The following RNASET2 variants were observed in gnomAD, a reference collection of about 807,000 sequenced individuals.
RNASET2 encodes the protein ribonuclease 6.
Under a neutral mutation model 33.9 loss-of-function variants are expected in RNASET2, and 28 were observed. That is an observed-to-expected ratio of 0.83 (90% CI 0.61 to 1.13). RNASET2 has a LOEUF of 1.13. Among genes scored for constraint, RNASET2 ranks in the 50% most tolerant of loss-of-function variants. The pLI is 0.00. For missense variants in RNASET2, 330 were observed against 319.9 expected (o/e 1.03, Z -0.24); for synonymous variants, 123 against 121.0 (o/e 1.02, Z -0.11).
chr6:166,955,290 GCACAGACGCGCACACACGACA>G (rs1562507126), intron 1 of RNASET2, among the ~76,000 whole-genome samples: 8 of 68,504 alleles, frequency 1.2e-4, no homozygotes, highest in African/African-American at 4.7e-4. Context: ...CGACACACAC[GCACAGACGCGCACACACGACA>G]CACACGCACA....
intron 4 of RNASET2, among the ~76,000 whole-genome samples, chr6:166,945,703 G>A (rs1219787597): frequency 2.0e-5 from 3 of 151,944 alleles, no homozygotes; most frequent in South Asian, 2.1e-4. Flanking sequence ...GGTGGCGCAT[G>A]CCTGTAATCC....
At position 166,929,405 on chromosome 6, in the gene RNASET2, A is replaced by C; in HGVS notation, c.*183T>G. 1.4e-6 allele frequency: 1 copy of C among 691,076 alleles called. No homozygotes were observed. The highest frequency in any genetic ancestry group is 2.5e-6 in the Non-Finnish European group (1 of 393,366). The allele number at this position is 691,076 out of a possible 1,614,324, so 42.8% of individuals were successfully genotyped here. On this transcript the variant is annotated 3_prime_UTR_variant, in exon 9 of 9. Transcript: ENST00000508775. Reference sequence around the variant, plus strand: ...CACAAAACAGCCACTCAGGCGTGGGAGAGCTCCTTTCTCCCCGTGTACGCC... The same window carrying C: ...CACAAAACAGCCACTCAGGCGTGGGCGAGCTCCTTTCTCCCCGTGTACGCC...
chr6:166,955,723 T>C, intron 1 of RNASET2: 1 of 1,136,308 alleles, frequency 8.8e-7, no homozygotes. Flanking sequence ...CGGGGAGTGT[T>C]CAGGGCTCCC....
rs1479306745 is a variant in RNASET2, at chr6:166,924,995, G to C, written c.*4593C>G. 6.6e-6 allele frequency among the ~76,000 whole-genome samples: 1 copy of C among 152,148 alleles called. No individual in the cohort carries two copies. The highest frequency in any genetic ancestry group is 1.5e-5 in the Non-Finnish European group (1 of 68,004). On this transcript the variant is annotated 3_prime_UTR_variant, in exon 9 of 9. Transcript: ENST00000508775. ...GTACAGGCCTCACCTCCACCGCGCA[G>C]GCCTCATCTACGCCATCCAGCCCTC...
At chr6:166,955,327 GCACGC>G (rs1779118082) in intron 1 of RNASET2, among the ~76,000 whole-genome samples, 10 of 57,598 alleles carry the variant, frequency 1.7e-4, no homozygotes, top group African/African-American at 8.5e-4. Context: ...GCACACACAC[GCACGC>G]ACGCACACGC....
intron 1 of RNASET2, among the ~76,000 whole-genome samples, chr6:166,953,737 G>C (rs1375389950): frequency 6.6e-6 from 1 of 152,104 alleles, no homozygotes. Flanking sequence ...AATTAGCCAG[G>C]TGTGGTGGCA....
At chr6:166,939,287 C>T (rs185832593) in intron 5 of RNASET2, among the ~76,000 whole-genome samples, 1 of 152,262 alleles carries the variant, frequency 6.6e-6, no homozygotes, top group African/African-American at 2.4e-5. Flanking sequence ...GAGCCAAGAT[C>T]ATGCCATTGC....
chr6:166,952,449 T>G, intron 2 of RNASET2, 39 bp downstream of exon 2: 1 of 1,583,888 alleles, frequency 6.3e-7, no homozygotes, highest in Non-Finnish European at 8.7e-7. Context: ...TTCACAGGGC[T>G]CCCCAGGCCC....
chr6:166,948,465 C>T (rs1778901968), intron 3 of RNASET2, 105 bp downstream of exon 3: 1 of 784,506 alleles, frequency 1.3e-6, no homozygotes, highest in African/African-American at 1.7e-5. Context: ...ATTGGATAAA[C>T]TCCTAAAAAT....
intron 4 of RNASET2, among the ~76,000 whole-genome samples, chr6:166,944,292 C>A (rs889599387): frequency 3.9e-5 from 6 of 152,068 alleles, no homozygotes; most frequent in South Asian, 2.1e-4. Context: ...ACCAAAAAAA[C>A]CCCAAAAAGG....
chr6:166,934,191 T>C, intron 6 of RNASET2, 55 bp from the exon 7 acceptor site: 1 of 1,164,564 alleles, frequency 8.6e-7, no homozygotes, highest in Non-Finnish European at 1.3e-6. Context: ...CTTTGCTTTC[T>C]TGTTCTTTTC....
chr6:166,927,289 C>A lies in RNASET2; in HGVS notation c.*2299G>T, dbSNP rs989917638. 3.3e-5 allele frequency among the ~76,000 whole-genome samples: 5 copies of A among 152,144 alleles called. No individual in the cohort carries two copies. The highest frequency in any genetic ancestry group is 4.8e-5 in the African/African-American group (2 of 41,420). On this transcript the variant is annotated 3_prime_UTR_variant, in exon 9 of 9. Transcript: ENST00000508775. ...AGGTTATCAAACGCTCATGTTCTAC[C>A]TGCTCCTGAGCTCTAGGCCAAAATA...
chr6:166,949,330 G>A (rs1044730477), intron 2 of RNASET2, among the ~76,000 whole-genome samples: 4 of 150,812 alleles, frequency 2.7e-5, no homozygotes, highest in African/African-American at 7.3e-5. Context: ...GTGAAACCCT[G>A]TCTCTACTAA....
intron 2 of RNASET2, among the ~76,000 whole-genome samples, chr6:166,951,197 C>T (rs1583234663): frequency 6.6e-6 from 1 of 152,332 alleles, no homozygotes; most frequent in South Asian, 2.1e-4. Context: ...CCAGCTTACG[C>T]CATTATTTCT....
intron 6 of RNASET2, among the ~76,000 whole-genome samples, chr6:166,936,053 G>A (rs1778558247): frequency 1.3e-5 from 2 of 152,132 alleles, no homozygotes; most frequent in South Asian, 4.1e-4. Flanking sequence ...GAAAAATGAG[G>A]GGTCTTAAAT....
intron 2 of RNASET2, among the ~76,000 whole-genome samples, chr6:166,952,105 T>A (rs575206843): frequency 6.6e-6 from 1 of 152,308 alleles, no homozygotes; most frequent in East Asian, 1.9e-4. Flanking sequence ...AGGCAGAGAT[T>A]GGGGTGATGG....
chr6:166,922,797 A>G lies in RNASET2; in HGVS notation c.*6791T>C, dbSNP rs1179280037. ...TACTGGGGCAGCACGAGCAGCCCAC[A>G]TCTCAGGGTGCAGTCCAAGACATAT... is the stretch of plus-strand genomic sequence containing the variant. On this transcript the variant is annotated 3_prime_UTR_variant, in exon 9 of 9. Transcript: ENST00000508775. Among the ~76,000 whole-genome samples, 2 of 152,192 alleles carry G rather than the reference A, an allele frequency of 1.3e-5. No individual in the cohort carries two copies. The highest frequency in any genetic ancestry group is 2.9e-5 in the Non-Finnish European group (2 of 68,024).
At chr6:166,932,762 T>C (rs930216357) in intron 7 of RNASET2, 4 of 152,314 alleles carry the variant, frequency 2.6e-5, no homozygotes, top group African/African-American at 9.6e-5. Flanking sequence ...GTGGCCCCTG[T>C]GGCTTTTGCC....
chr6:166,951,766 T>A (rs957042683), intron 2 of RNASET2, among the ~76,000 whole-genome samples: 1 of 152,282 alleles, frequency 6.6e-6, no homozygotes, highest in Non-Finnish European at 1.5e-5. Context: ...ATTTCTAGTA[T>A]AACTGTTCTC....
Sources: allele counts gnomAD v4.1 joint callset (sites outside exome capture counted in the v4.1 genomes callset), GRCh38; gene constraint gnomAD v4.1.1; transcripts MANE v1.5; gene names NCBI Gene and HGNC (gene_info 2026-07-23, HGNC 2026-07-21).